CYSLTR2: variants seen among roughly 807,000 people sequenced by gnomAD.
The protein encoded by CYSLTR2 is cysteinyl leukotriene receptor 2.
For synonymous variants in CYSLTR2, 179 were observed against 160.8 expected (o/e 1.11, Z -0.86); for missense variants, 398 against 411.9 (o/e 0.97, Z 0.29).
intron 1 of CYSLTR2, among the ~76,000 whole-genome samples, chr13:48,659,004 A>C (rs569423485): frequency 6.6e-6 from 1 of 152,254 alleles, no homozygotes; most frequent in East Asian, 1.9e-4. Flanking sequence ...GGCTGTGCCC[A>C]TTGTGCAGGT....
chr13:48,678,167 A>C (rs914283328), intron 1 of CYSLTR2, among the ~76,000 whole-genome samples: 85 of 152,118 alleles, frequency 5.6e-4, no homozygotes, highest in African/African-American at 2.0e-3. Context: ...CCAAGTACAG[A>C]GAGGCTAATT....
chr13:48,656,104 C>T (rs555027166), intron 1 of CYSLTR2, among the ~76,000 whole-genome samples: 73 of 152,240 alleles, frequency 4.8e-4, no homozygotes, highest in Non-Finnish European at 1.0e-4. Flanking sequence ...AAAATTTTAG[C>T]TATGTCTGGT....
At chr13:48,674,723 G>T (rs1953547267) in intron 1 of CYSLTR2, among the ~76,000 whole-genome samples, 1 of 152,152 alleles carries the variant, frequency 6.6e-6, no homozygotes, top group African/African-American at 2.4e-5. Context: ...GGAATTTGGG[G>T]CATTTTTGCA....
rs767855972 is a variant in CYSLTR2, at chr13:48,707,011, A to C, written c.194A>C (p.Gln65Pro). ...GNGLSIYVFL[Q>P]PYKKSTSVNV... The stretch of plus-strand genomic sequence containing the variant: ...GGGTTGTCCATATATGTTTTCCTGC[A>C]GCCTTATAAGAAGTCCACATCTGTG... Residue 65 changes from glutamine to proline, a missense_variant, in exon 5 of 5, where the codon CAG becomes CCG. Coordinates refer to ENST00000682523, the MANE Select transcript of CYSLTR2 (RefSeq NM_001308476.3). 6.2e-7 allele frequency: 1 copy of C among 1,614,204 alleles called. No homozygotes were observed. The highest frequency in any genetic ancestry group is 1.1e-5 in the South Asian group (1 of 91,086).
At chr13:48,687,875 T>C (rs1374737781) in intron 1 of CYSLTR2, among the ~76,000 whole-genome samples, 1 of 152,228 alleles carries the variant, frequency 6.6e-6, no homozygotes, top group African/African-American at 2.4e-5. Context: ...AAGCAGAAAC[T>C]GTATTAATAT....
intron 1 of CYSLTR2, among the ~76,000 whole-genome samples, chr13:48,675,110 C>T (rs1276857926): frequency 2.0e-5 from 3 of 152,158 alleles, no homozygotes; most frequent in African/African-American, 7.2e-5. Flanking sequence ...TTTAAGGACC[C>T]ATGGGGTTCA....
At chr13:48,697,227 A>G (rs1016168517) in intron 4 of CYSLTR2, among the ~76,000 whole-genome samples, 15 of 151,948 alleles carry the variant, frequency 9.9e-5, no homozygotes, top group Admixed American at 9.8e-4. Context: ...TGGGTCCCTG[A>G]CCCCCGAGTA....
intron 2 of CYSLTR2, among the ~76,000 whole-genome samples, chr13:48,692,072 G>C (rs1294440310): frequency 1.3e-5 from 2 of 151,958 alleles, no homozygotes; most frequent in Non-Finnish European, 2.9e-5. Flanking sequence ...TTAATAGCTT[G>C]ATTATTCTGA....
chr13:48,662,470 ACC>A (rs1953154644), intron 1 of CYSLTR2, among the ~76,000 whole-genome samples: 1 of 152,270 alleles, frequency 6.6e-6, no homozygotes, highest in Admixed American at 6.5e-5. Context: ...TTACAGTCCC[ACC>A]AACAACACAT....
Position 48,686,632 on chromosome 13 carries a change from C to T in CYSLTR2, c.-265-4580C>T, listed in dbSNP as rs114655119. Among the ~76,000 whole-genome samples the T allele has an allele frequency of 1.8e-3, 277 of 152,230 alleles. 1 individual carries two copies. The highest frequency in any genetic ancestry group is 6.4e-3 in the African/African-American group (265 of 41,542). ...TTCCTCCCACAGTCATGGGCTGCTC[C>T]GTAGTATTTATACAGGTGCAGCAAG... On this transcript the variant is annotated intron_variant, in intron 1 of 4. Transcript: ENST00000682523.
Position 48,707,704 on chromosome 13 carries a change from C to T in CYSLTR2, c.887C>T (p.Ala296Val). The T allele has an allele frequency of 6.2e-7, 1 of 1,613,436 alleles. No homozygotes were observed. Among genetic ancestry groups the T allele is most frequent in the African/African-American group, 1.3e-5 (1 of 75,006 alleles). ...GTTATCACACTGGCCTTGGCAGCAG[C>T]CAATGCCTGCTTCAATCCTCTGCTC... ...ALVITLALAA[A>V]NACFNPLLYY... Residue 296 changes from alanine (A) to valine (V), a missense_variant, in exon 5 of 5, where the codon GCC becomes GTC. By Grantham distance (64) the Ala-to-Val change is moderately conservative. Transcript: ENST00000682523.
intron 1 of CYSLTR2, among the ~76,000 whole-genome samples, chr13:48,680,308 G>A (rs923313424): frequency 2.0e-5 from 3 of 152,142 alleles, no homozygotes; most frequent in Non-Finnish European, 2.9e-5. Context: ...TAATGATCCC[G>A]TGAGAATCTA....
At chr13:48,671,994 T>C (rs577748736) in intron 1 of CYSLTR2, among the ~76,000 whole-genome samples, 34 of 152,308 alleles carry the variant, frequency 2.2e-4, no homozygotes, top group African/African-American at 7.5e-4. Flanking sequence ...ATTCCACTTC[T>C]TCCTGGTTTA....
intron 1 of CYSLTR2, among the ~76,000 whole-genome samples, chr13:48,668,583 A>C (rs547330828): frequency 6.6e-6 from 1 of 151,970 alleles, no homozygotes; most frequent in African/African-American, 2.4e-5. Flanking sequence ...GGGCATCATT[A>C]TCCTCATTTT....
At chr13:48,664,743 G>A (rs1310398721) in intron 1 of CYSLTR2, among the ~76,000 whole-genome samples, 1 of 151,498 alleles carries the variant, frequency 6.6e-6, no homozygotes, top group Non-Finnish European at 1.5e-5. Context: ...TTAGCTAGTG[G>A]TTTGTCCATT....
rs145943328 is a variant in CYSLTR2, at chr13:48,678,895, A to T, written c.-265-12317A>T. On this transcript the variant is annotated intron_variant, in intron 1 of 4. Coordinates refer to ENST00000682523, the MANE Select transcript of CYSLTR2 (RefSeq NM_001308476.3). ...AGCCTCTCTGTTCTGCACAATCACA[A>T]GAGCACCCCTACTCACCTCTCTGTA... 4.0e-3 allele frequency among the ~76,000 whole-genome samples: 604 copies of T among 152,162 alleles called. 3 individuals are homozygous for T. Among genetic ancestry groups the T allele is most frequent in the African/African-American group, 0.014 (587 of 41,510 alleles).
chr13:48,686,595 G>A (rs1305068517), intron 1 of CYSLTR2, among the ~76,000 whole-genome samples: 3 of 152,132 alleles, frequency 2.0e-5, no homozygotes, highest in South Asian at 4.1e-4. Context: ...TTTTCTAGAT[G>A]TCCAATGGGC....
chr13:48,663,276 A>G (rs891869819), intron 1 of CYSLTR2, among the ~76,000 whole-genome samples: 1 of 152,126 alleles, frequency 6.6e-6, no homozygotes, highest in Admixed American at 6.6e-5. Context: ...TGGTGGTGTG[A>G]TACTTCCAGC....
chr13:48,667,991 T>C (rs1953309937), intron 1 of CYSLTR2, among the ~76,000 whole-genome samples: 1 of 152,188 alleles, frequency 6.6e-6, no homozygotes, highest in African/African-American at 2.4e-5. Context: ...CCATGTCTAA[T>C]ACTTGTGCTT....
Sources: gnomAD v4.1 joint callset for allele counts (sites outside exome capture counted in the v4.1 genomes callset) on GRCh38, gnomAD v4.1.1 for gene constraint, MANE v1.5 for transcripts, NCBI Gene and HGNC (gene_info 2026-07-23, HGNC 2026-07-21) for gene names.